Variants in FAT4 observed in about 807,000 individuals in gnomAD.
FAT4 encodes protocadherin Fat 4.
In FAT4, 84 loss-of-function variants were observed where a neutral mutation model predicts 303.9. That is an observed-to-expected ratio of 0.28 (90% CI 0.23 to 0.33). FAT4 has a LOEUF of 0.33. Among genes scored for constraint, FAT4 ranks in the 10% least tolerant of loss-of-function variants. The probability of loss-of-function intolerance (pLI) is 1.00; values close to 1 mark genes in which losing one functional copy is unlikely to be tolerated. For missense variants in FAT4, 6,005 were observed against 6,146.8 expected, an observed-to-expected ratio of 0.98 and a Z score of 0.77; for synonymous variants, 2,307 against 2,298.8, an observed-to-expected ratio of 1.00 and a Z score of -0.10.
At chr4:125,475,571 A>T (rs1726998988) in intron 12 of FAT4, among the ~76,000 whole-genome samples, 1 of 152,128 alleles carries the variant, frequency 6.6e-6, no homozygotes, top group Non-Finnish European at 1.5e-5. Context: ...GATTATACAG[A>T]AATATGCTGT....
intron 17 of FAT4, 60 bp from the exon 18 acceptor site, chr4:125,489,841 T>C: frequency 9.6e-7 from 1 of 1,039,878 alleles, no homozygotes; most frequent in Non-Finnish European, 1.3e-6. Context: ...CAGTGTAGTA[T>C]AAGCTCTTTT....
rs374905704 is a variant in FAT4, at chr4:125,449,887, T to C, written c.8877T>C (p.Asp2959=). 2.5e-6 allele frequency: 4 copies of C among 1,613,902 alleles called. No homozygotes were observed. The African/African-American group carries it at 4.0e-5, about 16-fold the overall frequency. The change falls in exon 10 of 18, where the codon GAT becomes GAC. Residue 2959 remains aspartate (D), a synonymous_variant. Transcript: ENST00000394329. ...ATAGTTTTATAGTGACATCTTCAGA[T>C]CGAGGTAAACCTTCCTTAATTAGTG... The part of the protein sequence containing the change: ...NRHSFIVTSS[D]RGKPSLISET...
intron 3 of FAT4, among the ~76,000 whole-genome samples, chr4:125,402,693 G>A (rs1648817922): frequency 6.6e-6 from 1 of 151,902 alleles, no homozygotes; most frequent in African/African-American, 2.4e-5. Flanking sequence ...AGGAAAAAAT[G>A]TATGTAAGCT....
At chr4:125,373,873 T>C (rs1313253278) in intron 2 of FAT4, among the ~76,000 whole-genome samples, 1 of 152,218 alleles carries the variant, frequency 6.6e-6, no homozygotes, top group Non-Finnish European at 1.5e-5. Context: ...CATTGTTTAA[T>C]ATGTAATTTC....
chr4:125,404,143 G>T (rs1234818607), intron 3 of FAT4, among the ~76,000 whole-genome samples: 2 of 152,070 alleles, frequency 1.3e-5, no homozygotes, highest in South Asian at 4.1e-4. Flanking sequence ...ACAGCTCAAA[G>T]ACCTGAGAGT....
rs1443182399 is a variant in FAT4, at chr4:125,396,953, TATATATATATATAA to T, written c.5176-1829_5176-1816del. Among the ~76,000 whole-genome samples, 506 of 91,080 alleles carry T rather than the reference TATATATATATATAA, an allele frequency of 5.6e-3. 4 individuals carry two copies. The highest frequency in any genetic ancestry group is 0.019 in the African/African-American group (478 of 25,000). 59.8% of individuals were successfully genotyped at this position (91,080 alleles called of 152,430 possible). A position where few individuals can be genotyped will look rare whatever the true frequency, so the allele number is the denominator to read the frequency against. ...ATATATATATATATATATATATATA[TATATATATATATAA>T]AATATGTATGTGTGTGTGTATTTCA... is the stretch of plus-strand genomic sequence containing the variant. On this transcript the variant is annotated intron_variant, in intron 2 of 17. Transcript: ENST00000394329.
chr4:125,483,107 T>C (rs976723), intron 16 of FAT4, among the ~76,000 whole-genome samples: 58,281 of 152,070 alleles, frequency 0.38, 11,208 homozygotes, highest in Middle Eastern at 0.46. Flanking sequence ...TGGCAGACAC[T>C]CTACCCTTTT....
intron 8 of FAT4, among the ~76,000 whole-genome samples, chr4:125,439,801 C>G (rs1725590329): frequency 6.6e-6 from 1 of 152,156 alleles, no homozygotes; most frequent in Admixed American, 6.5e-5. Context: ...GTTAGCGTAT[C>G]TACAGAAATG....
intron 16 of FAT4, among the ~76,000 whole-genome samples, chr4:125,483,364 G>C (rs1354611158): frequency 6.6e-6 from 1 of 152,120 alleles, no homozygotes; most frequent in African/African-American, 2.4e-5. Context: ...TTGACATTGA[G>C]GTCTGTGTGT....
chr4:125,458,370 A>G (rs1726360880), intron 10 of FAT4, among the ~76,000 whole-genome samples: 2 of 151,994 alleles, frequency 1.3e-5, no homozygotes, highest in Admixed American at 1.3e-4. Flanking sequence ...TTTCATAAAG[A>G]TGGAAAGAGT....
intron 2 of FAT4, among the ~76,000 whole-genome samples, chr4:125,379,420 A>G (rs1394868006): frequency 6.6e-6 from 1 of 152,072 alleles, no homozygotes; most frequent in Non-Finnish European, 1.5e-5. Flanking sequence ...TAAAAAAGTT[A>G]TTTATTAAGT....
chr4:125,318,295 C>T lies in FAT4; in HGVS notation c.1884C>T (p.Asp628=). The T allele has an allele frequency of 6.2e-7, 1 of 1,614,198 alleles. No homozygotes were observed. Among genetic ancestry groups the T allele is most frequent in the Non-Finnish European group, 8.5e-7 (1 of 1,180,052 alleles). ...TCTCCTTACAAGAGGCAGAGACTGA[C>T]CGGAGGTCCTTCCGTCTGGATCCTG... is the stretch of plus-strand genomic sequence containing the variant. The part of the protein sequence containing the change: ...VRFSLQEAET[D]RRSFRLDPVS... Residue 628 remains aspartate (D), a synonymous_variant, in exon 2 of 18, where the codon GAC becomes GAT. Transcript: ENST00000394329.
chr4:125,449,223 T>C lies in FAT4; in HGVS notation c.8213T>C (p.Val2738Ala). 1 of 1,613,948 alleles carries C rather than the reference T, an allele frequency of 6.2e-7. No individual in the cohort carries two copies. The change falls in exon 10 of 18, where the codon GTA (valine) becomes GCA (alanine). Residue 2738 changes from valine to alanine, a missense_variant. Transcript: ENST00000394329. ...RSVRPLDREK[V>A]SHYVLTIKSS... Reference sequence around the variant, plus strand: ...GTTAGACCTTTGGACAGGGAAAAAGTATCTCATTATGTCCTAACCATAAAA... The same window carrying C: ...GTTAGACCTTTGGACAGGGAAAAAGCATCTCATTATGTCCTAACCATAAAA...
In FAT4 at chr4:125,452,714, G is replaced by C; in HGVS notation, c.11704G>C (p.Asp3902His). The C allele has an allele frequency of 6.2e-7, 1 of 1,614,146 alleles. No homozygotes were observed. The highest frequency in any genetic ancestry group is 8.5e-7 in the Non-Finnish European group (1 of 1,180,026). The change falls in exon 10 of 18, where the codon GAT (aspartate) becomes CAT (histidine). Residue 3902 changes from aspartate to histidine, a missense_variant. By Grantham distance (81) the Asp-to-His change is moderately conservative. Transcript: ENST00000394329. Reference protein sequence around the residue: ...DGFTGRACERDINECLQSPCK... With the variant: ...DGFTGRACERHINECLQSPCK... ...CTTCACTGGTAGGGCGTGTGAGAGA[G>C]ATATCAATGAGTGCCTGCAGAGTCC...
At chr4:125,338,380 T>C (rs1176661491) in intron 2 of FAT4, among the ~76,000 whole-genome samples, 1 of 152,232 alleles carries the variant, frequency 6.6e-6, no homozygotes, top group Non-Finnish European at 1.5e-5. Context: ...TTATGTTTTA[T>C]TGTGGATAAT....
At position 125,361,640 on chromosome 4, in the gene FAT4, A is replaced by T. The variant is rs149091929; in HGVS notation, c.5176-37144A>T. 4.2e-3 allele frequency among the ~76,000 whole-genome samples: 646 copies of T among 152,246 alleles called. 7 individuals are homozygous for T. Among genetic ancestry groups the T allele is most frequent in the Non-Finnish European group, 6.7e-3 (453 of 68,010 alleles). On this transcript the variant is annotated intron_variant, in intron 2 of 17. Coordinates refer to ENST00000394329, the MANE Select transcript of FAT4 (RefSeq NM_001291303.3). Reference sequence around the variant, plus strand: ...TAATTTTAAAATTGTGAATTTACAAACTGTGGGTTATTATATGCTACAGAA... The same window carrying T: ...TAATTTTAAAATTGTGAATTTACAATCTGTGGGTTATTATATGCTACAGAA...
chr4:125,426,305 T>G (rs6842220), intron 7 of FAT4, among the ~76,000 whole-genome samples: 1 of 151,888 alleles, frequency 6.6e-6, no homozygotes, highest in African/African-American at 2.4e-5. Flanking sequence ...TAATGAAAAT[T>G]GCTTGAAAAC....
In FAT4 at chr4:125,421,457, C is replaced by T. The variant is rs146601101; in HGVS notation, c.7018+4835C>T. 1.0e-3 allele frequency among the ~76,000 whole-genome samples: 159 copies of T among 152,220 alleles called. 1 individual carries two copies. In the East Asian group the frequency reaches 0.015, roughly 15 times the overall value. On this transcript the variant is annotated intron_variant, in intron 7 of 17. Transcript: ENST00000394329. The stretch of plus-strand genomic sequence containing the variant: ...AATTATTCCAACAGATATATACTTA[C>T]GCAAGTAATTTGTCCAGACCTTTTA...
At chr4:125,356,331 G>C (rs1196935147) in intron 2 of FAT4, among the ~76,000 whole-genome samples, 1 of 151,926 alleles carries the variant, frequency 6.6e-6, no homozygotes, top group Non-Finnish European at 1.5e-5. Flanking sequence ...AGTAAATGTA[G>C]AGAAATGCTC....
Sources: gnomAD v4.1 joint callset for allele counts (sites outside exome capture counted in the v4.1 genomes callset) on GRCh38, gnomAD v4.1.1 for gene constraint, MANE v1.5 for transcripts, NCBI Gene and HGNC (gene_info 2026-07-23, HGNC 2026-07-21) for gene names.